Variants in CAMKMT observed in about 807,000 individuals in gnomAD.
The protein encoded by CAMKMT is CaM KMT.
A neutral mutation model predicts 48.0 loss-of-function variants in CAMKMT; 53 were observed. The observed-to-expected ratio is 1.10, with a 90% CI of 0.89 to 1.39. The LOEUF (loss-of-function observed/expected upper bound fraction) is 1.39. CAMKMT is among the 40% of genes most tolerant of loss of function. The probability of loss-of-function intolerance (pLI) is 0.00; values close to 1 mark genes in which losing one functional copy is unlikely to be tolerated. For synonymous variants in CAMKMT, 165 were observed against 152.3 expected (o/e 1.08, Z -0.61); for missense variants, 428 against 402.7 (o/e 1.06, Z -0.54).
intron 3 of CAMKMT, among the ~76,000 whole-genome samples, chr2:44,427,696 A>T (rs1009017579): frequency 6.6e-6 from 1 of 152,182 alleles, no homozygotes; most frequent in African/African-American, 2.4e-5. Flanking sequence ...TAGCCTTCAA[A>T]TGTAAATTAA....
At chr2:44,508,417 A>T (rs988509010) in intron 3 of CAMKMT, among the ~76,000 whole-genome samples, 1 of 152,158 alleles carries the variant, frequency 6.6e-6, no homozygotes, top group Non-Finnish European at 1.5e-5. Flanking sequence ...ATAGGTATAG[A>T]ACCAGTTACA....
intron 3 of CAMKMT, among the ~76,000 whole-genome samples, chr2:44,483,791 G>T (rs1669087540): frequency 6.6e-6 from 1 of 152,110 alleles, no homozygotes; most frequent in Non-Finnish European, 1.5e-5. Flanking sequence ...CTTTTGCATT[G>T]TAAAATTCTA....
rs371685602 is a variant in CAMKMT at position 44,771,998 on chromosome 2, G to A, written c.895-38G>A. ...ATTGACTGGTAAAGATCCCTAATTG[G>A]AGTCCCCTTACCTTTTTCTTTCTAT... On this transcript the variant is annotated intron_variant, in intron 10 of 10. Transcript: ENST00000378494. 1.2e-5 allele frequency: 17 copies of A among 1,376,064 alleles called. No individual in the cohort carries two copies. In the African/African-American group the frequency reaches 2.0e-4, roughly 16 times the overall value. The allele number at this position is 1,376,064 out of a possible 1,614,324, so 85.2% of individuals were successfully genotyped here.
At chr2:44,681,540 CTT>C (rs3055007) in intron 3 of CAMKMT, among the ~76,000 whole-genome samples, 58 of 137,412 alleles carry the variant, frequency 4.2e-4, no homozygotes, top group Middle Eastern at 3.8e-3. Context: ...CTCTTACCAG[CTT>C]TTTTTTTTTT....
chr2:44,480,182 A>G (rs1668893465), intron 3 of CAMKMT, among the ~76,000 whole-genome samples: 1 of 152,132 alleles, frequency 6.6e-6, no homozygotes, highest in Non-Finnish European at 1.5e-5. Flanking sequence ...AAAGATTTGA[A>G]ACATACTGTA....
chr2:44,621,281 A>ATAAAATAAAAAAAAAT lies in CAMKMT; in HGVS notation c.377-83002_377-83001insTAAAATAAAAAAAAAT, dbSNP rs1558750192. ...GACTCCATCTCAAAAAAAAAAAAAA[A>ATAAAATAAAAAAAAAT]AAAAGCATAAGAAAGCACAACCCAT... On this transcript the variant is annotated intron_variant, in intron 3 of 10. Transcript: ENST00000378494. 1.5e-3 allele frequency among the ~76,000 whole-genome samples: 224 copies of ATAAAATAAAAAAAAAT among 151,070 alleles called. 2 individuals carry two copies. The highest frequency in any genetic ancestry group is 5.3e-3 in the African/African-American group (217 of 40,770).
intron 3 of CAMKMT, among the ~76,000 whole-genome samples, chr2:44,488,419 G>A (rs1317347736): frequency 4.6e-5 from 7 of 152,164 alleles, no homozygotes; most frequent in Admixed American, 2.6e-4. Context: ...CAGGAGAATC[G>A]CTTGAACCCA....
At chr2:44,559,411 T>C (rs1254308979) in intron 3 of CAMKMT, among the ~76,000 whole-genome samples, 2 of 152,234 alleles carry the variant, frequency 1.3e-5, no homozygotes, top group Non-Finnish European at 2.9e-5. Context: ...TTCCTCTCTG[T>C]GATAATGTAC....
intron 3 of CAMKMT, among the ~76,000 whole-genome samples, chr2:44,404,948 G>T (rs541447082): frequency 6.6e-6 from 1 of 152,092 alleles, no homozygotes; most frequent in African/African-American, 2.4e-5. Context: ...GCTCCAAAAA[G>T]GATTTTGATA....
intron 3 of CAMKMT, among the ~76,000 whole-genome samples, chr2:44,543,242 T>G (rs1667227646): frequency 1.3e-5 from 2 of 152,134 alleles, no homozygotes; most frequent in Non-Finnish European, 2.9e-5. Context: ...CTTCTTTTAG[T>G]GTAAATAGTG....
At chr2:44,564,898 G>A (rs1180677634) in intron 3 of CAMKMT, among the ~76,000 whole-genome samples, 1 of 152,142 alleles carries the variant, frequency 6.6e-6, no homozygotes, top group Non-Finnish European at 1.5e-5. Context: ...ATATATGCAG[G>A]TATCCACTCT....
At chr2:44,738,044 C>T (rs1452259977) in intron 7 of CAMKMT, among the ~76,000 whole-genome samples, 4 of 151,736 alleles carry the variant, frequency 2.6e-5, no homozygotes, top group Non-Finnish European at 5.9e-5. Context: ...TTAGTGGAGA[C>T]GGGGTTTCAC....
intron 6 of CAMKMT, among the ~76,000 whole-genome samples, chr2:44,708,552 T>C (rs1677693849): frequency 6.6e-6 from 1 of 152,100 alleles, no homozygotes; most frequent in Admixed American, 6.6e-5. Flanking sequence ...CCAATCACAA[T>C]CTTGGCCTTT....
chr2:44,441,667 A>G (rs1666672925), intron 3 of CAMKMT, among the ~76,000 whole-genome samples: 1 of 152,154 alleles, frequency 6.6e-6, no homozygotes, highest in South Asian at 2.1e-4. Flanking sequence ...TTGTAGATAT[A>G]ATTTCAAATT....
chr2:44,563,578 C>G (rs1668444103), intron 3 of CAMKMT, among the ~76,000 whole-genome samples: 1 of 152,114 alleles, frequency 6.6e-6, no homozygotes, highest in Non-Finnish European at 1.5e-5. Flanking sequence ...CACCCATTAA[C>G]TCATCATTTA....
chr2:44,637,548 A>G (rs1187499584), intron 3 of CAMKMT, among the ~76,000 whole-genome samples: 1 of 152,142 alleles, frequency 6.6e-6, no homozygotes, highest in African/African-American at 2.4e-5. Flanking sequence ...CTAAAATAGC[A>G]AATTTCCCTT....
chr2:44,520,760 T>G (rs1275474135), intron 3 of CAMKMT, among the ~76,000 whole-genome samples: 1 of 152,166 alleles, frequency 6.6e-6, no homozygotes, highest in Non-Finnish European at 1.5e-5. Context: ...AGTGTCAAGG[T>G]AGGGACAGGT....
intron 3 of CAMKMT, among the ~76,000 whole-genome samples, chr2:44,620,438 G>C (rs888172097): frequency 6.6e-6 from 1 of 152,058 alleles, no homozygotes; most frequent in Non-Finnish European, 1.5e-5. Flanking sequence ...CTCTGTGCCT[G>C]GGCTGTCAAA....
intron 7 of CAMKMT, among the ~76,000 whole-genome samples, chr2:44,726,197 A>G (rs1678774770): frequency 6.6e-6 from 1 of 152,154 alleles, no homozygotes; most frequent in Non-Finnish European, 1.5e-5. Flanking sequence ...TCTTTGAGAA[A>G]TTTTCAGACA....
Sources: gnomAD v4.1 joint callset for allele counts (sites outside exome capture counted in the v4.1 genomes callset) on GRCh38, gnomAD v4.1.1 for gene constraint, MANE v1.5 for transcripts, NCBI Gene and HGNC (gene_info 2026-07-23, HGNC 2026-07-21) for gene names.